DPP6: variants seen among roughly 807,000 people sequenced by gnomAD.
DPP6 encodes the protein dipeptidyl peptidase like 6, also known as A-type potassium channel modulatory protein DPP6.
Under a neutral mutation model 122.6 loss-of-function variants are expected in DPP6, and 69 were observed. The observed-to-expected ratio is 0.56, with a 90% confidence interval of 0.46 to 0.69. The LOEUF is 0.69. DPP6 is among the 30% of genes least tolerant of loss of function. DPP6 has a pLI of 0.00. For missense variants in DPP6, 928 were observed against 1,116.9 expected (o/e 0.83, Z 2.41); for synonymous variants, 418 against 433.1 (o/e 0.97, Z 0.43).
At chr7:154,319,913 C>A (rs7805608) in intron 1 of DPP6, among the ~76,000 whole-genome samples, 60,631 of 150,290 alleles carry the variant, frequency 0.4, 15,058 homozygotes, top group East Asian at 0.61. Context: ...ATTGCTTGAA[C>A]CCAGGAGGCG....
chr7:154,867,884 A>G, intron 17 of DPP6, 111 bp from the exon 18 acceptor site: 11 of 1,321,572 alleles, frequency 8.3e-6, no homozygotes, highest in Non-Finnish European at 1.1e-5. Flanking sequence ...AATAATAATC[A>G]CCTCTGAGGC....
At position 154,053,594 on chromosome 7, in the gene DPP6, A is replaced by G. The variant is rs1359465103; in HGVS notation, c.243+531A>G. ...GTTCCTCTTCTTACTTCTCCTAGAC[A>G]CTTTTTCCCCCCAGCGGTGGTGATG... On this transcript the variant is annotated intron_variant, in intron 1 of 25. Coordinates refer to ENST00000377770, the MANE Select transcript of DPP6 (RefSeq NM_130797.4). Among the ~76,000 whole-genome samples, 4 of 150,546 alleles carry G rather than the reference A, an allele frequency of 2.7e-5. No individual in the cohort carries two copies. The South Asian group carries it at 6.3e-4, about 24-fold the overall frequency.
intron 8 of DPP6, among the ~76,000 whole-genome samples, chr7:154,758,184 A>G (rs1015907178): frequency 1.3e-5 from 2 of 152,214 alleles, no homozygotes; most frequent in Non-Finnish European, 2.9e-5. Flanking sequence ...GAGTTCTGTC[A>G]GGTGGCAGAC....
chr7:154,336,086 A>G (rs1029752112), intron 1 of DPP6, among the ~76,000 whole-genome samples: 3 of 152,006 alleles, frequency 2.0e-5, no homozygotes, highest in Non-Finnish European at 4.4e-5. Flanking sequence ...AGAAATCCAT[A>G]TTAGAACACA....
chr7:153,932,612 G>A (rs536304705), intron 1 of DPP6, among the ~76,000 whole-genome samples: 1 of 152,278 alleles, frequency 6.6e-6, no homozygotes, highest in Admixed American at 6.5e-5. Flanking sequence ...TTGCATTGAA[G>A]AGGCATTGTT....
intron 13 of DPP6, among the ~76,000 whole-genome samples, chr7:154,802,073 C>T (rs527515293): frequency 5.3e-5 from 8 of 151,998 alleles, no homozygotes; most frequent in South Asian, 4.2e-4. Flanking sequence ...GGGAGCCTCA[C>T]GCCTGCAGGA....
intron 1 of DPP6, among the ~76,000 whole-genome samples, chr7:154,272,125 T>C (rs1803836234): frequency 6.6e-6 from 1 of 152,238 alleles, no homozygotes; most frequent in African/African-American, 2.4e-5. Context: ...TTGTTCACTT[T>C]CAATTCCCTG....
At chr7:154,046,221 A>T (rs1201290645) in intron 1 of DPP6, among the ~76,000 whole-genome samples, 2 of 152,108 alleles carry the variant, frequency 1.3e-5, no homozygotes, top group Non-Finnish European at 2.9e-5. Flanking sequence ...GTTAATAGGG[A>T]CATGTTTTTG....
At chr7:154,287,827 G>C (rs530795686) in intron 1 of DPP6, among the ~76,000 whole-genome samples, 139 of 152,220 alleles carry the variant, frequency 9.1e-4, no homozygotes, top group Non-Finnish European at 1.6e-3. Context: ...CTGGAGGGAA[G>C]GTTGTCCTGA....
chr7:154,085,005 A>AAAAAC (rs1804296003), intron 1 of DPP6, among the ~76,000 whole-genome samples: 1 of 151,658 alleles, frequency 6.6e-6, no homozygotes, highest in African/African-American at 2.4e-5. Context: ...AAAAAAAAAA[A>AAAAAC]AAAAAACAGG....
intron 1 of DPP6, among the ~76,000 whole-genome samples, chr7:154,056,726 G>A (rs1235200156): frequency 2.6e-5 from 4 of 152,102 alleles, no homozygotes; most frequent in African/African-American, 9.7e-5. Context: ...TATGTCTTCG[G>A]CAACCAACCC....
the DPP6 span, among the ~76,000 whole-genome samples, chr7:153,752,916 A>G: frequency 2.0e-5 from 3 of 151,974 alleles, no homozygotes; most frequent in Admixed American, 6.5e-5. Flanking sequence ...AATATAATGT[A>G]TGCATTATCT....
intron 4 of DPP6, among the ~76,000 whole-genome samples, chr7:154,541,264 G>A (rs1828701980): frequency 6.6e-6 from 1 of 152,152 alleles, no homozygotes; most frequent in Non-Finnish European, 1.5e-5. Context: ...CTGAGTAGCT[G>A]GGACTACAGG....
chr7:153,885,232 C>T (rs1162706708), upstream of DPP6, among the ~76,000 whole-genome samples: 1 of 152,014 alleles, frequency 6.6e-6, no homozygotes, highest in East Asian at 1.9e-4. Flanking sequence ...TCTGTCCACA[C>T]TCAACTGGGT....
chr7:154,288,495 C>A (rs1284868822), intron 1 of DPP6, among the ~76,000 whole-genome samples: 1 of 152,230 alleles, frequency 6.6e-6, no homozygotes, highest in African/African-American at 2.4e-5. Context: ...CTCTGCACAT[C>A]TGACATCTGT....
Position 154,061,736 on chromosome 7 carries a change from C to G in DPP6, c.243+8673C>G, listed in dbSNP as rs1436866038. On this transcript the variant is annotated intron_variant, in intron 1 of 25. Transcript: ENST00000377770. ...TCCCCGCGAGGCGGGGACTGCGAAC[C>G]TCCCCCTTTCCTCCCCTGGCTCTTT... Among the ~76,000 whole-genome samples the G allele has an allele frequency of 1.2e-3, 101 of 87,080 alleles. 5 individuals carry two copies. Among genetic ancestry groups the G allele is most frequent in the African/African-American group, 4.1e-3 (97 of 23,854 alleles). The allele number at this position is 87,080 out of a possible 152,430, so 57.1% of individuals were successfully genotyped here. A position where few individuals can be genotyped will look rare whatever the true frequency, so the allele number is the denominator to read the frequency against.
chr7:154,768,156 A>T (rs1324422291), intron 8 of DPP6, among the ~76,000 whole-genome samples: 1 of 152,194 alleles, frequency 6.6e-6, no homozygotes, highest in Non-Finnish European at 1.5e-5. Flanking sequence ...CATGGATGAC[A>T]CTGACCTGGC....
intron 1 of DPP6, among the ~76,000 whole-genome samples, chr7:154,409,556 C>G (rs1364699661): frequency 6.6e-6 from 1 of 152,178 alleles, no homozygotes; most frequent in African/African-American, 2.4e-5. Context: ...TTGTTTATAT[C>G]GTGGCTCAAA....
chr7:154,103,576 T>C (rs1805916517), intron 1 of DPP6, among the ~76,000 whole-genome samples: 1 of 152,250 alleles, frequency 6.6e-6, no homozygotes, highest in African/African-American at 2.4e-5. Flanking sequence ...TAGCTGGTAA[T>C]GTGTGATTTC....
Sources: gnomAD v4.1 joint callset for allele counts (sites outside exome capture counted in the v4.1 genomes callset) on GRCh38, gnomAD v4.1.1 for gene constraint, MANE v1.5 for transcripts, NCBI Gene and HGNC (gene_info 2026-07-23, HGNC 2026-07-21) for gene names.